The following CNIH3 variants were observed in gnomAD, a reference collection of about 807,000 sequenced individuals.
The protein encoded by CNIH3 is protein cornichon homolog 3.
CNIH3 carries 14 observed loss-of-function variants against 24.1 expected under a neutral mutation model. The ratio of observed to expected loss-of-function variants is 0.58; its 90% CI spans 0.38 to 0.91. The LOEUF (loss-of-function observed/expected upper bound fraction) is 0.91. CNIH3 is among the 40% of genes least tolerant of loss of function. The probability of loss-of-function intolerance (pLI) is 0.00; values close to 1 mark genes in which losing one functional copy is unlikely to be tolerated. For synonymous variants in CNIH3, 68 were observed against 73.8 expected (o/e 0.92, Z 0.40); for missense variants, 178 against 196.8 (o/e 0.90, Z 0.57).
At chr1:224,666,398 T>C (rs1378297431) in intron 1 of CNIH3, among the ~76,000 whole-genome samples, 1 of 152,246 alleles carries the variant, frequency 6.6e-6, no homozygotes, top group Admixed American at 6.5e-5. Context: ...CTGTGGTTGC[T>C]ATTTTTCCAT....
chr1:224,714,211 G>A (rs1312233765), intron 3 of CNIH3, among the ~76,000 whole-genome samples: 1 of 152,218 alleles, frequency 6.6e-6, no homozygotes, highest in Non-Finnish European at 1.5e-5. Context: ...AATTAAAGCA[G>A]CCTTTAGTTG....
rs56137320 is a variant in CNIH3, at chr1:224,463,773, A to ATTTTTTTTTTTTTTT, written n.203+28933_203+28947dup. On this transcript the variant is annotated intron_variant and non_coding_transcript_variant, in intron 1 of 5. Coordinates refer to the CNIH3 transcript ENST00000471578. ...TTCTCCCAGCTTATGAATTGTCCTC[A>ATTTTTTTTTTTTTTT]TTTTTTTTTTTTTTTTTTTTTTTTT... Among the ~76,000 whole-genome samples, 20 of 20,730 alleles carry ATTTTTTTTTTTTTTT rather than the reference A, an allele frequency of 9.6e-4. 5 individuals are homozygous for ATTTTTTTTTTTTTTT. The highest frequency in any genetic ancestry group is 2.7e-3 in the Admixed American group (3 of 1,132). The allele number at this position is 20,730 out of a possible 152,430, so 13.6% of individuals were successfully genotyped here. A position where few individuals can be genotyped will look rare whatever the true frequency, so the allele number is the denominator to read the frequency against.
downstream of CNIH3, among the ~76,000 whole-genome samples, chr1:224,541,205 G>T (rs953539202): frequency 6.6e-6 from 1 of 152,168 alleles, no homozygotes; most frequent in Non-Finnish European, 1.5e-5. Flanking sequence ...TTAATTAAGG[G>T]CTGAAAATAT....
rs540252656 is a variant in CNIH3 at position 224,546,126 on chromosome 1, G to T, written n.340-703G>T. Among the ~76,000 whole-genome samples, 7 of 152,224 alleles carry T rather than the reference G, an allele frequency of 4.6e-5. No homozygotes were observed. In the South Asian group the frequency reaches 1.2e-3, roughly 27 times the overall value. On this transcript the variant is annotated intron_variant and non_coding_transcript_variant, in intron 2 of 5. Coordinates refer to the CNIH3 transcript ENST00000471578. ...TGCAGATACATTCTGAGTTACTTGG[G>T]ATTAGGACTTCCAACACATGAATTT...
At chr1:224,465,979 G>C (rs1676138460) in intron 1 of CNIH3, among the ~76,000 whole-genome samples, 1 of 152,192 alleles carries the variant, frequency 6.6e-6, no homozygotes, top group Admixed American at 6.5e-5. Context: ...AGTGAGCTGA[G>C]ATCTCGCCAT....
At chr1:224,499,724 G>A (rs984531648) in intron 1 of CNIH3, among the ~76,000 whole-genome samples, 1 of 151,908 alleles carries the variant, frequency 6.6e-6, no homozygotes, top group Non-Finnish European at 1.5e-5. Flanking sequence ...TAGCTCAACT[G>A]CCTTATACAA....
At chr1:224,724,926 A>C (rs754226982) in intron 3 of CNIH3, among the ~76,000 whole-genome samples, 3 of 152,152 alleles carry the variant, frequency 2.0e-5, no homozygotes, top group Non-Finnish European at 4.4e-5. Flanking sequence ...AATAATAATG[A>C]CCGGCCAGGC....
At chr1:224,646,826 G>T (rs1363272399) in intron 1 of CNIH3, among the ~76,000 whole-genome samples, 1 of 152,166 alleles carries the variant, frequency 6.6e-6, no homozygotes, top group African/African-American at 2.4e-5. Flanking sequence ...CTACACTGGT[G>T]AACTATAGAG....
chr1:224,645,396 G>T (rs950729803), intron 1 of CNIH3, among the ~76,000 whole-genome samples: 1 of 152,252 alleles, frequency 6.6e-6, no homozygotes, highest in Non-Finnish European at 1.5e-5. Flanking sequence ...ACCTGGCTTG[G>T]CCTCCTTTCT....
chr1:224,454,124 A>T (rs957170105), intron 1 of CNIH3, among the ~76,000 whole-genome samples: 1 of 152,174 alleles, frequency 6.6e-6, no homozygotes, highest in South Asian at 2.1e-4. Flanking sequence ...GCACTATATT[A>T]TTCTAAGAAG....
intron 3 of CNIH3, among the ~76,000 whole-genome samples, chr1:224,554,632 G>T (rs1387027763): frequency 6.6e-6 from 1 of 151,728 alleles, no homozygotes; most frequent in Non-Finnish European, 1.5e-5. Context: ...CACCCAGACT[G>T]GAGTGCAGTG....
chr1:224,566,629 T>C (rs1044191024), intron 4 of CNIH3, among the ~76,000 whole-genome samples: 11 of 152,226 alleles, frequency 7.2e-5, no homozygotes, highest in African/African-American at 2.4e-4. Flanking sequence ...TTTGGTTTTC[T>C]GTTCCTGTGA....
At chr1:224,479,721 C>A (rs1676730303) in intron 1 of CNIH3, among the ~76,000 whole-genome samples, 1 of 152,352 alleles carries the variant, frequency 6.6e-6, no homozygotes. Flanking sequence ...TCTCCTTTAA[C>A]TCCATGTCTC....
intron 3 of CNIH3, among the ~76,000 whole-genome samples, chr1:224,725,538 G>A (rs1021894292): frequency 1.3e-5 from 2 of 152,198 alleles, no homozygotes; most frequent in African/African-American, 4.8e-5. Flanking sequence ...TAGAGACTCT[G>A]AGTCTCACAG....
intron 2 of CNIH3, among the ~76,000 whole-genome samples, chr1:224,522,597 A>G (rs1678684586): frequency 6.6e-6 from 1 of 152,266 alleles, no homozygotes; most frequent in African/African-American, 2.4e-5. Context: ...GTTCAATAGA[A>G]TAGTGAGAGG....
chr1:224,630,630 A>G (rs749275249), intron 1 of CNIH3, among the ~76,000 whole-genome samples: 29 of 152,214 alleles, frequency 1.9e-4, no homozygotes, highest in Admixed American at 5.9e-4. Flanking sequence ...GGAGGTGGAG[A>G]ATGCTTATGG....
chr1:224,559,827 A>G (rs1680289726), intron 3 of CNIH3, among the ~76,000 whole-genome samples: 1 of 152,202 alleles, frequency 6.6e-6, no homozygotes, highest in Non-Finnish European at 1.5e-5. Context: ...TAGGCCCTGC[A>G]TACCCCTCCC....
At chr1:224,460,141 G>A (rs182630580) in intron 1 of CNIH3, among the ~76,000 whole-genome samples, 5 of 151,966 alleles carry the variant, frequency 3.3e-5, no homozygotes, top group African/African-American at 1.2e-4. Flanking sequence ...ATCCACCCAC[G>A]TCGGCCTCCC....
Position 224,619,812 on chromosome 1 carries a change from T to C in CNIH3, c.81+2557T>C, listed in dbSNP as rs74647867. 1.4e-3 allele frequency among the ~76,000 whole-genome samples: 220 copies of C among 152,342 alleles called. 4 individuals carry two copies. The East Asian group carries it at 0.032, about 22-fold the overall frequency. Reference sequence around the variant, plus strand: ...AATGAATTGGGCGCTTAACAACATATAGCGGTTAAAATGCCTGCCATGCTG... The same window carrying C: ...AATGAATTGGGCGCTTAACAACATACAGCGGTTAAAATGCCTGCCATGCTG... On this transcript the variant is annotated intron_variant, in intron 1 of 5. Transcript: ENST00000272133.
Sources: gnomAD v4.1 joint callset for allele counts (sites outside exome capture counted in the v4.1 genomes callset) on GRCh38, gnomAD v4.1.1 for gene constraint, MANE v1.5 for transcripts, NCBI Gene and HGNC (gene_info 2026-07-23, HGNC 2026-07-21) for gene names.